Variants in SEL1L2 observed in about 807,000 individuals in gnomAD.
The protein encoded by SEL1L2 is protein sel-1 homolog 2.
A neutral mutation model predicts 98.8 loss-of-function variants in SEL1L2; 89 were observed. That is an observed-to-expected ratio of 0.90 (90% CI 0.76 to 1.07). SEL1L2 has a LOEUF of 1.07. SEL1L2 is among the 50% of genes least tolerant of loss of function. SEL1L2 has a pLI of 0.00. For synonymous variants in SEL1L2, 262 were observed against 278.5 expected, an observed-to-expected ratio of 0.94 and a Z score of 0.59; for missense variants, 788 against 812.0, an observed-to-expected ratio of 0.97 and a Z score of 0.36.
At chr20:13,869,348 C>T (rs945295643) in intron 14 of SEL1L2, among the ~76,000 whole-genome samples, 155 bp downstream of exon 14, 1 of 152,140 alleles carries the variant, frequency 6.6e-6, no homozygotes, top group African/African-American at 2.4e-5. Context: ...AACCAGTGTC[C>T]TTTTCTTTAG....
chr20:13,926,328 T>A (rs995608237), intron 3 of SEL1L2, among the ~76,000 whole-genome samples: 1 of 144,898 alleles, frequency 6.9e-6, no homozygotes, highest in African/African-American at 2.5e-5. Context: ...CAAAAAAAAA[T>A]TAAATAAATA....
rs531736038 is a variant in SEL1L2, at chr20:13,977,247, T to C, written c.58+13230A>G. Among the ~76,000 whole-genome samples, 14 of 152,058 alleles carry C rather than the reference T, an allele frequency of 9.2e-5. No individual in the cohort carries two copies. The South Asian group carries it at 2.5e-3, about 27-fold the overall frequency. On this transcript the variant is annotated intron_variant, in intron 1 of 19. Coordinates refer to ENST00000284951, the MANE Select transcript of SEL1L2 (RefSeq NM_025229.2). Reference sequence around the variant, plus strand: ...GGCTTGGGTGAGAGCACAAGAAGCATAGAATATGAAGAGCAAGAAAGCCAA... The same window carrying C: ...GGCTTGGGTGAGAGCACAAGAAGCACAGAATATGAAGAGCAAGAAAGCCAA...
rs536587640 is a variant in SEL1L2 at position 13,914,779 on chromosome 20, G to A, written c.387-835C>T. Reference sequence around the variant, plus strand: ...GTTGCATTGATTCTAAAGTTTTATAGCATGGTAATTGTTCTCCTATAATTA... The same window carrying A: ...GTTGCATTGATTCTAAAGTTTTATAACATGGTAATTGTTCTCCTATAATTA... On this transcript the variant is annotated intron_variant, in intron 4 of 19. Coordinates refer to ENST00000284951, the MANE Select transcript of SEL1L2 (RefSeq NM_025229.2). Among the ~76,000 whole-genome samples the A allele has an allele frequency of 2.0e-5, 3 of 152,274 alleles. No homozygotes were observed. In the East Asian group the frequency reaches 5.8e-4, roughly 29 times the overall value.
At chr20:13,876,252 T>G in intron 11 of SEL1L2, 137 bp from the exon 12 acceptor site, 1 of 643,542 alleles carries the variant, frequency 1.6e-6, no homozygotes, top group Non-Finnish European at 2.8e-6. Context: ...CACTGAATTG[T>G]ATAAAGTGGT....
chr20:13,873,162 G>A (rs2046281785), intron 12 of SEL1L2, among the ~76,000 whole-genome samples: 1 of 150,162 alleles, frequency 6.7e-6, no homozygotes, highest in South Asian at 2.1e-4. Flanking sequence ...GGCTAATTTT[G>A]TACTTTCTGT....
intron 14 of SEL1L2, 46 bp from the exon 15 acceptor site, chr20:13,866,896 T>C: frequency 6.5e-7 from 1 of 1,536,520 alleles, no homozygotes; most frequent in Non-Finnish European, 8.7e-7. Context: ...GACTTTATTT[T>C]TTATATTATA....
chr20:13,944,248 T>C (rs1209118793), intron 2 of SEL1L2, among the ~76,000 whole-genome samples: 1 of 152,156 alleles, frequency 6.6e-6, no homozygotes, highest in Non-Finnish European at 1.5e-5. Context: ...ATGCCAATCA[T>C]GTAAAGCCCC....
intron 2 of SEL1L2, among the ~76,000 whole-genome samples, chr20:13,943,981 G>C (rs1212421253): frequency 6.6e-6 from 1 of 152,132 alleles, no homozygotes; most frequent in African/African-American, 2.4e-5. Context: ...GATGGGGGTA[G>C]AACTTCTCAT....
At chr20:13,877,426 A>G (rs781596640) in intron 11 of SEL1L2, 94 bp downstream of exon 11, 164 of 959,756 alleles carry the variant, frequency 1.7e-4, no homozygotes, top group Admixed American at 4.5e-4. Flanking sequence ...TCAACTTCCC[A>G]AGTAGCTGGG....
At chr20:13,912,932 G>C (rs1432752715) in intron 5 of SEL1L2, among the ~76,000 whole-genome samples, 1 of 152,128 alleles carries the variant, frequency 6.6e-6, no homozygotes, top group African/African-American at 2.4e-5. Flanking sequence ...GATCACCAGG[G>C]AAACAGAACT....
At chr20:13,892,700 G>A (rs1045115801) in intron 5 of SEL1L2, among the ~76,000 whole-genome samples, 1 of 152,164 alleles carries the variant, frequency 6.6e-6, no homozygotes, top group East Asian at 1.9e-4. Flanking sequence ...TGCTTTAGAC[G>A]TAAATGGATT....
chr20:13,849,384 A>G lies in SEL1L2; in HGVS notation c.*101T>C, dbSNP rs1482618053. The G allele has an allele frequency of 1.1e-5, 16 of 1,444,606 alleles. No individual in the cohort carries two copies. Among genetic ancestry groups the G allele is most frequent in the Non-Finnish European group, 1.3e-5 (14 of 1,051,842 alleles). The allele number at this position is 1,444,606 out of a possible 1,614,324, so 89.5% of individuals were successfully genotyped here. ...TTTCCCATCACAGCCCTGAGCGGGA[A>G]ACTGCAGCGGACTCTTGATTTGGAT... On this transcript the variant is annotated 3_prime_UTR_variant, in exon 20 of 20. Coordinates refer to ENST00000284951, the MANE Select transcript of SEL1L2 (RefSeq NM_025229.2).
At chr20:13,993,870 C>T (rs1756505194), upstream of SEL1L2, among the ~76,000 whole-genome samples, 2 of 152,052 alleles carry the variant, frequency 1.3e-5, no homozygotes, top group Admixed American at 1.3e-4. Flanking sequence ...TTTATTCTTC[C>T]CTGGTAATGT....
chr20:13,867,858 C>T (rs969270743), intron 14 of SEL1L2, among the ~76,000 whole-genome samples: 2 of 152,116 alleles, frequency 1.3e-5, no homozygotes, highest in Non-Finnish European at 2.9e-5. Flanking sequence ...GCAACCTCAA[C>T]CCCCCAAGAT....
chr20:13,920,227 C>CAAAA (rs4052973), intron 3 of SEL1L2, among the ~76,000 whole-genome samples: 6 of 103,130 alleles, frequency 5.8e-5, no homozygotes, highest in Non-Finnish European at 5.4e-5. Context: ...GACTCCGTCC[C>CAAAA]AAAAAAAAAA....
Position 13,925,175 on chromosome 20 carries a change from TTG to T in SEL1L2, c.284-6054_284-6053del, listed in dbSNP as rs1237715475. 2.0e-5 allele frequency among the ~76,000 whole-genome samples: 3 copies of T among 152,292 alleles called. No homozygotes were observed. In the East Asian group the frequency reaches 5.8e-4, roughly 29 times the overall value. On this transcript the variant is annotated intron_variant, in intron 3 of 19. Coordinates refer to ENST00000284951, the MANE Select transcript of SEL1L2 (RefSeq NM_025229.2). ...AATACTTGAGGTGCTATGCCTTTTA[TTG>T]TGTGTGTGTAGTCACTTGTGTATTT...
intron 4 of SEL1L2, among the ~76,000 whole-genome samples, chr20:13,918,232 G>C (rs890587044): frequency 2.6e-5 from 4 of 152,172 alleles, no homozygotes; most frequent in Non-Finnish European, 5.9e-5. Context: ...TATTGTAAGA[G>C]CTTGATTGCA....
chr20:13,955,980 G>C, intron 2 of SEL1L2, 96 bp downstream of exon 2: 1 of 683,670 alleles, frequency 1.5e-6, no homozygotes. Context: ...AAAAAAAAAA[G>C]AGACAATAGT....
intron 1 of SEL1L2, among the ~76,000 whole-genome samples, chr20:13,980,738 G>C (rs1481041148): frequency 6.6e-6 from 1 of 152,130 alleles, no homozygotes; most frequent in Non-Finnish European, 1.5e-5. Flanking sequence ...AACAACCTAA[G>C]TGTCCATCAA....
Sources: gnomAD v4.1 joint callset for allele counts (sites outside exome capture counted in the v4.1 genomes callset) on GRCh38, gnomAD v4.1.1 for gene constraint, MANE v1.5 for transcripts, NCBI Gene and HGNC (gene_info 2026-07-23, HGNC 2026-07-21) for gene names.